The following FDFT1 variants were observed in gnomAD, a reference collection of about 807,000 sequenced individuals.
The protein encoded by FDFT1 is squalene synthase.
FDFT1 carries 68 observed loss-of-function variants against 46.8 expected under a neutral mutation model. The ratio of observed to expected loss-of-function variants is 1.45; its 90% CI spans 1.19 to 1.78. FDFT1 has a LOEUF of 1.78. Among genes scored for constraint, FDFT1 ranks in the 40% most tolerant of loss-of-function variants. The pLI is 0.00. For missense variants in FDFT1, 928 were observed against 524.4 expected (o/e 1.77, Z -7.52); for synonymous variants, 351 against 185.1 (o/e 1.90, Z -7.28).
chr8:11,803,338 G>C (rs1158640042), intron 1 of FDFT1: 4 of 1,292,140 alleles, frequency 3.1e-6, no homozygotes, highest in Non-Finnish European at 4.0e-6. Context: ...TCACATGAAG[G>C]CCGTTTCTGG....
chr8:11,802,585 T>C (rs1449383431), upstream of FDFT1: 2 of 627,436 alleles, frequency 3.2e-6, no homozygotes, highest in Admixed American at 4.3e-5. Context: ...TTGGCCGGGG[T>C]CTTCCTAGTG....
At position 11,839,155 on chromosome 8, in the gene FDFT1, T is replaced by G. The variant is rs1229876544; in HGVS notation, c.*546T>G. Reference sequence around the variant, plus strand: ...TCCACACAAAGGCTGGGAATAAAATTCTGGGTATTCTCGTATTCTCATTTA... The same window carrying G: ...TCCACACAAAGGCTGGGAATAAAATGCTGGGTATTCTCGTATTCTCATTTA... On this transcript the variant is annotated 3_prime_UTR_variant, in exon 8 of 8. Coordinates refer to ENST00000220584, the MANE Select transcript of FDFT1 (RefSeq NM_004462.5). 1 of 154,762 alleles carries G rather than the reference T, an allele frequency of 6.5e-6. No individual in the cohort carries two copies. Among genetic ancestry groups the G allele is most frequent in the African/African-American group, 2.4e-5 (1 of 41,444 alleles). 9.6% of individuals were successfully genotyped at this position (154,762 alleles called of 1,614,324 possible). A position where few individuals can be genotyped will look rare whatever the true frequency, so the allele number is the denominator to read the frequency against.
chr8:11,808,997 T>G (rs992312917), intron 2 of FDFT1, 106 bp downstream of exon 2: 72 of 1,494,328 alleles, frequency 4.8e-5, no homozygotes, highest in Non-Finnish European at 6.5e-5. Flanking sequence ...GCAGCCTCGT[T>G]GCTGTGGCTT....
chr8:11,809,113 G>A, intron 2 of FDFT1: 4 of 1,295,582 alleles, frequency 3.1e-6, no homozygotes, highest in East Asian at 3.0e-5. Context: ...GAAGAGGGGG[G>A]AGGGGGTGAT....
chr8:11,809,326 GTTT>G (rs1207443934), intron 2 of FDFT1: 1 of 1,093,472 alleles, frequency 9.1e-7, no homozygotes, highest in East Asian at 6.4e-5. Flanking sequence ...AAGTTACTGT[GTTT>G]TTTGACTTTC....
intron 4 of FDFT1, among the ~76,000 whole-genome samples, chr8:11,823,709 A>G (rs1809572882): frequency 6.6e-6 from 1 of 152,048 alleles, no homozygotes; most frequent in South Asian, 2.1e-4. Flanking sequence ...AACTGGGACC[A>G]CAGGCACGTT....
chr8:11,816,506 A>T (rs528305796), intron 3 of FDFT1, among the ~76,000 whole-genome samples: 2 of 152,274 alleles, frequency 1.3e-5, no homozygotes, highest in East Asian at 3.9e-4. Flanking sequence ...ATGAGCATGG[A>T]ATGTTCTTCC....
intron 4 of FDFT1, 127 bp downstream of exon 4, chr8:11,822,005 T>C (rs773666818): frequency 6.4e-6 from 7 of 1,089,426 alleles, no homozygotes; most frequent in Middle Eastern, 2.5e-4. Context: ...TTCATCTGTT[T>C]AGGTTGAATG....
At chr8:11,818,587 G>C (rs1007917295) in intron 3 of FDFT1, among the ~76,000 whole-genome samples, 3 of 152,152 alleles carry the variant, frequency 2.0e-5, no homozygotes, top group African/African-American at 7.2e-5. Context: ...AGCTCTTCTT[G>C]TTGAATTGAT....
At chr8:11,837,763 T>A (rs1811741313) in intron 7 of FDFT1, among the ~76,000 whole-genome samples, 2 of 151,852 alleles carry the variant, frequency 1.3e-5, no homozygotes, top group South Asian at 4.2e-4. Flanking sequence ...TAGACTCACG[T>A]TGGAGACTGA....
rs1400369745 is a variant in FDFT1 at position 11,839,041 on chromosome 8, G to A, written c.*432G>A. The stretch of plus-strand genomic sequence containing the variant: ...CGGCTCCTATTTTTCTCATCATTTT[G>A]TTTTCTTTAATTGGGTTGAATGGAG... On this transcript the variant is annotated 3_prime_UTR_variant, in exon 8 of 8. Coordinates refer to ENST00000220584, the MANE Select transcript of FDFT1 (RefSeq NM_004462.5). 1.2e-5 allele frequency: 2 copies of A among 173,048 alleles called. No individual in the cohort carries two copies. The highest frequency in any genetic ancestry group is 2.5e-5 in the Non-Finnish European group (2 of 79,930). The allele number at this position is 173,048 out of a possible 1,614,324, so 10.7% of individuals were successfully genotyped here.
At chr8:11,817,562 A>G (rs1808632145) in intron 3 of FDFT1, among the ~76,000 whole-genome samples, 1 of 152,176 alleles carries the variant, frequency 6.6e-6, no homozygotes, top group Non-Finnish European at 1.5e-5. Flanking sequence ...TGGTCATTTC[A>G]GAGGTTCAAC....
intron 5 of FDFT1, among the ~76,000 whole-genome samples, chr8:11,826,708 G>A (rs1288100688): frequency 6.6e-6 from 1 of 152,194 alleles, no homozygotes. Context: ...CCAGCTACCT[G>A]GGAGGCTGAG....
chr8:11,834,088 C>T (rs891193188), intron 7 of FDFT1, among the ~76,000 whole-genome samples: 3 of 152,234 alleles, frequency 2.0e-5, no homozygotes, highest in African/African-American at 7.2e-5. Flanking sequence ...CTGACCAAGT[C>T]TGTCCTTTGT....
chr8:11,820,456 A>C (rs1261102678), intron 3 of FDFT1, among the ~76,000 whole-genome samples: 2 of 149,430 alleles, frequency 1.3e-5, no homozygotes, highest in East Asian at 4.5e-4. Context: ...GCCCCCAGAG[A>C]TGCAATCTAG....
intron 5 of FDFT1, 138 bp downstream of exon 5, chr8:11,826,353 A>G (rs1809989329): frequency 1.7e-6 from 1 of 587,492 alleles, no homozygotes; most frequent in Non-Finnish European, 2.9e-6. Flanking sequence ...AAAATAGGAT[A>G]GCTTGACATG....
chr8:11,837,272 C>G (rs185976575), intron 7 of FDFT1, among the ~76,000 whole-genome samples: 1 of 152,198 alleles, frequency 6.6e-6, no homozygotes, highest in Non-Finnish European at 1.5e-5. Flanking sequence ...GTTCTGTCAT[C>G]CAGGCTGGAG....
chr8:11,826,921 C>G (rs904248688), intron 5 of FDFT1, among the ~76,000 whole-genome samples: 2 of 152,272 alleles, frequency 1.3e-5, no homozygotes, highest in African/African-American at 4.8e-5. Context: ...ACAGTACACA[C>G]AGAATGGATT....
chr8:11,824,790 C>T (rs1170423459), intron 4 of FDFT1, among the ~76,000 whole-genome samples: 1 of 152,036 alleles, frequency 6.6e-6, no homozygotes, highest in African/African-American at 2.4e-5. Context: ...GGCTGGAGTG[C>T]AGTGGCGCGA....
Sources: allele counts gnomAD v4.1 joint callset (sites outside exome capture counted in the v4.1 genomes callset), GRCh38; gene constraint gnomAD v4.1.1; transcripts MANE v1.5; gene names NCBI Gene and HGNC (gene_info 2026-07-23, HGNC 2026-07-21).